The following SOS1 variants were observed in gnomAD, a reference collection of about 807,000 sequenced individuals.
The protein encoded by SOS1 is SOS Ras/Rac guanine nucleotide exchange factor 1.
SOS1 carries 25 observed loss-of-function variants against 157.6 expected under a neutral mutation model. The ratio of observed to expected loss-of-function variants is 0.16; its 90% confidence interval spans 0.12 to 0.22. The LOEUF (loss-of-function observed/expected upper bound fraction) is 0.22. Ranked by LOEUF, SOS1 falls within the 10% of genes least tolerant of loss-of-function variation. The probability of loss-of-function intolerance (pLI) is 1.00; values close to 1 mark genes in which losing one functional copy is unlikely to be tolerated. For synonymous variants in SOS1, 528 were observed against 534.0 expected (o/e 0.99, Z 0.16); for missense variants, 1,237 against 1,599.1 (o/e 0.77, Z 3.86).
intron 10 of SOS1, among the ~76,000 whole-genome samples, chr2:39,021,058 T>C (rs970714841): frequency 6.6e-6 from 1 of 151,680 alleles, no homozygotes; most frequent in African/African-American, 2.4e-5. Context: ...AATTTAAGTG[T>C]TTTATATTCA....
intron 1 of SOS1, among the ~76,000 whole-genome samples, chr2:39,115,871 A>G (rs1041975926): frequency 6.6e-6 from 1 of 152,230 alleles, no homozygotes; most frequent in African/African-American, 2.4e-5. Flanking sequence ...TTCATGTATA[A>G]GTCTTTGTAT....
At chr2:39,071,821 G>T (rs944145289) in intron 1 of SOS1, among the ~76,000 whole-genome samples, 3 of 151,184 alleles carry the variant, frequency 2.0e-5, no homozygotes, top group African/African-American at 7.3e-5. Flanking sequence ...ACTATTCGCA[G>T]TTTGCTAAAA....
chr2:39,089,568 A>G (rs1418203061), intron 1 of SOS1, among the ~76,000 whole-genome samples: 1 of 151,632 alleles, frequency 6.6e-6, no homozygotes, highest in African/African-American at 2.4e-5. Context: ...AAAGAAGCCA[A>G]CCTAAAAAAG....
At chr2:38,994,293 G>A (rs1411985113) in intron 20 of SOS1, among the ~76,000 whole-genome samples, 2 of 152,078 alleles carry the variant, frequency 1.3e-5, no homozygotes, top group East Asian at 3.9e-4. Flanking sequence ...TATACATGTG[G>A]CTCACATATT....
At chr2:39,051,380 T>C in intron 5 of SOS1, 93 bp from the exon 6 acceptor site, 1 of 1,137,760 alleles carries the variant, frequency 8.8e-7, no homozygotes, top group South Asian at 1.3e-5. Context: ...AATCACAAAA[T>C]TTAACATGTC....
chr2:39,101,898 C>CT (rs980870219), intron 1 of SOS1, among the ~76,000 whole-genome samples: 2 of 152,020 alleles, frequency 1.3e-5, no homozygotes, highest in African/African-American at 2.4e-5. Context: ...CATTTTGATT[C>CT]TTTTTTTAAT....
At chr2:39,086,738 G>A (rs1328943467) in intron 1 of SOS1, among the ~76,000 whole-genome samples, 1 of 152,112 alleles carries the variant, frequency 6.6e-6, no homozygotes, top group Non-Finnish European at 1.5e-5. Context: ...TCTAGGAAAG[G>A]AAGGGAGTCT....
chr2:39,096,503 G>A (rs1008848446), intron 1 of SOS1, among the ~76,000 whole-genome samples: 3 of 152,110 alleles, frequency 2.0e-5, no homozygotes, highest in Non-Finnish European at 4.4e-5. Flanking sequence ...ATAGCATTTA[G>A]CACAGAATCA....
rs541552572 is a variant in SOS1, at chr2:39,093,851, G to A, written c.88-26098C>T. Among the ~76,000 whole-genome samples, 10 of 152,282 alleles carry A rather than the reference G, an allele frequency of 6.6e-5. No homozygotes were observed. In the East Asian group the frequency reaches 1.7e-3, roughly 26 times the overall value. On this transcript the variant is annotated intron_variant, in intron 1 of 22. Transcript: ENST00000402219. ...CTACTTTTACTGGAAGGAACCAAAA[G>A]TTCATTGCTATAGTTTCAGATTCCA...
At chr2:39,045,273 A>AGTGTGTGTGAGTGTGT (rs1670736213) in intron 6 of SOS1, among the ~76,000 whole-genome samples, 1 of 108,048 alleles carries the variant, frequency 9.3e-6, no homozygotes, top group South Asian at 3.3e-4. Flanking sequence ...AGAGAGAGAG[A>AGTGTGTGTGAGTGTGT]GTGTGTGTGT....
intron 8 of SOS1, among the ~76,000 whole-genome samples, chr2:39,028,262 A>T (rs941733087): frequency 6.6e-6 from 1 of 152,244 alleles, no homozygotes; most frequent in African/African-American, 2.4e-5. Flanking sequence ...GGTGTGTTCC[A>T]TATGCAAAGG....
At chr2:39,004,368 C>T (rs1330283087) in intron 17 of SOS1, among the ~76,000 whole-genome samples, 1 of 127,280 alleles carries the variant, frequency 7.9e-6, no homozygotes, top group East Asian at 2.4e-4. Context: ...ATGGCAGCTA[C>T]TGCATTCCAG....
At chr2:39,036,533 T>C (rs750747670) in intron 6 of SOS1, among the ~76,000 whole-genome samples, 19 of 151,914 alleles carry the variant, frequency 1.3e-4, no homozygotes, top group Non-Finnish European at 2.4e-4. Context: ...TTGTGTATTT[T>C]GTAGGGACAG....
At chr2:39,015,959 A>G (rs1246636243) in intron 10 of SOS1, among the ~76,000 whole-genome samples, 1 of 151,940 alleles carries the variant, frequency 6.6e-6, no homozygotes, top group Non-Finnish European at 1.5e-5. Context: ...AGGCTACATA[A>G]TGTGGGTCAA....
intron 1 of SOS1, among the ~76,000 whole-genome samples, chr2:39,090,139 CAAAAAA>C (rs10598316): frequency 9.0e-6 from 1 of 110,930 alleles, no homozygotes; most frequent in South Asian, 3.1e-4. Flanking sequence ...GACCCTGTCT[CAAAAAA>C]AAAAAAAAAA....
chr2:39,107,363 T>C (rs963098293), intron 1 of SOS1, among the ~76,000 whole-genome samples: 2 of 152,260 alleles, frequency 1.3e-5, no homozygotes, highest in East Asian at 1.9e-4. Context: ...GGGAGACACA[T>C]CATTTTTCCA....
At chr2:39,079,893 T>C (rs1333361951) in intron 1 of SOS1, among the ~76,000 whole-genome samples, 2 of 152,034 alleles carry the variant, frequency 1.3e-5, no homozygotes, top group East Asian at 3.9e-4. Context: ...GAGGGACTGG[T>C]TTTGTGGAAG....
intron 8 of SOS1, among the ~76,000 whole-genome samples, chr2:39,031,016 G>A (rs1203413700): frequency 1.3e-5 from 2 of 152,106 alleles, no homozygotes; most frequent in East Asian, 3.9e-4. Context: ...GGCAGAGGCA[G>A]CAGGGATTCT....
At chr2:38,999,416 A>G (rs1338541519) in intron 17 of SOS1, among the ~76,000 whole-genome samples, 1 of 152,194 alleles carries the variant, frequency 6.6e-6, no homozygotes, top group Non-Finnish European at 1.5e-5. Context: ...TGGAAAGATA[A>G]AAGGATCCAA....
Sources: allele counts gnomAD v4.1 joint callset (sites outside exome capture counted in the v4.1 genomes callset), GRCh38; gene constraint gnomAD v4.1.1; transcripts MANE v1.5; gene names NCBI Gene and HGNC (gene_info 2026-07-23, HGNC 2026-07-21).